The following FGF11 variants were observed in gnomAD, a reference collection of about 807,000 sequenced individuals.
FGF11 encodes the protein fibroblast growth factor homologous factor 3.
A neutral mutation model predicts 25.1 loss-of-function variants in FGF11; 25 were observed. The observed-to-expected ratio is 1.00, with a 90% CI of 0.73 to 1.39. The LOEUF is 1.39. Among genes scored for constraint, FGF11 ranks in the 40% most tolerant of loss-of-function variants. FGF11 has a pLI of 0.00. For synonymous variants in FGF11, 130 were observed against 128.9 expected, an observed-to-expected ratio of 1.01 and a Z score of -0.06; for missense variants, 320 against 311.0, an observed-to-expected ratio of 1.03 and a Z score of -0.22.
chr17:7,441,037 C>G (rs553976895), intron 1 of FGF11: 3 of 823,306 alleles, frequency 3.6e-6, no homozygotes, highest in Admixed American at 5.1e-5. Flanking sequence ...GTCCCACCCC[C>G]ACTCCTGAGG....
rs772146262 is a variant in FGF11, at chr17:7,439,678, G to A, written c.58G>A (p.Gly20Ser). 3.9e-6 allele frequency: 6 copies of A among 1,540,048 alleles called. No homozygotes were observed. In the African/African-American group the frequency reaches 5.7e-5, roughly 15 times the overall value. Residue 20 changes from glycine (G) to serine (S), a missense_variant, in exon 1 of 5, where the codon GGC (glycine) becomes AGC (serine). Coordinates refer to ENST00000293829, the MANE Select transcript of FGF11 (RefSeq NM_004112.4). ...RQKREVREPG[G>S]SRPVSAQRRV... ...GAAGCGGGAGGTCCGCGAGCCCGGG[G>A]GCAGCCGGCCGGTGTCGGCGCAGCG... is the stretch of plus-strand genomic sequence containing the variant.
upstream of FGF11, among the ~76,000 whole-genome samples, chr17:7,438,726 C>T (rs1383699501): frequency 6.6e-6 from 1 of 152,068 alleles, no homozygotes; most frequent in Non-Finnish European, 1.5e-5. Flanking sequence ...TAAACAGCAC[C>T]AGCTGTCCCC....
Position 7,442,615 on chromosome 17 carries a change from C to G in FGF11, c.430C>G (p.Arg144Gly), listed in dbSNP as rs780176806. 6.2e-7 allele frequency: 1 copy of G among 1,614,050 alleles called. No homozygotes were observed. Among genetic ancestry groups the G allele is most frequent in the African/African-American group, 1.3e-5 (1 of 74,926 alleles). The change falls in exon 4 of 5, where the codon CGC (arginine) becomes GGC (glycine). Residue 144 changes from arginine to glycine, a missense_variant. Transcript: ENST00000293829. Reference sequence around the variant, plus strand: ...TTAGCCGCATTTCACAGCTGAGTGTCGCTTTAAGGAGTGTGTCTTTGAGAA... The same window carrying G: ...TTAGCCGCATTTCACAGCTGAGTGTGGCTTTAAGGAGTGTGTCTTTGAGAA... The part of the protein sequence containing the change: ...YSSPHFTAEC[R>G]FKECVFENYY...
At position 7,440,913 on chromosome 17, in the gene FGF11, C is replaced by CAGACAGAA. The variant is rs2150833751; in HGVS notation, c.194-551_194-550insAAGACAGA. 1 of 989,844 alleles carries CAGACAGAA rather than the reference C, an allele frequency of 1.0e-6. No homozygotes were observed. The highest frequency in any genetic ancestry group is 1.1e-4 in the East Asian group (1 of 8,918). The allele number at this position is 989,844 out of a possible 1,614,324, so 61.3% of individuals were successfully genotyped here. The stretch of plus-strand genomic sequence containing the variant: ...CCCCGGGAGCCAGCGGACTGACAGA[C>CAGACAGAA]AGACAGACAGACAGACAGATGGGTC... On this transcript the variant is annotated intron_variant, in intron 1 of 4. Coordinates refer to ENST00000293829, the MANE Select transcript of FGF11 (RefSeq NM_004112.4). This position sits in a 1 kb window ranked among gnomAD's most constrained non-coding sequence, Gnocchi z 5.4.
intron 3 of FGF11, chr17:7,442,212 AC>A: frequency 2.9e-6 from 1 of 343,042 alleles, no homozygotes; most frequent in Non-Finnish European, 5.3e-6. Flanking sequence ...ATAGTGAGAG[AC>A]TGGGAGTACA....
chr17:7,441,521 T>G lies in FGF11; in HGVS notation c.244T>G (p.Tyr82Asp). 6.2e-7 allele frequency: 1 copy of G among 1,614,190 alleles called. No homozygotes were observed. Among genetic ancestry groups the G allele is most frequent in the Non-Finnish European group, 8.5e-7 (1 of 1,180,020 alleles). The change falls in exon 2 of 5, where the codon TAC (tyrosine) becomes GAC (aspartate). Residue 82 changes from tyrosine to aspartate, a missense_variant. Physicochemically the swap from Tyr to Asp is radical, Grantham distance 160. Coordinates refer to ENST00000293829, the MANE Select transcript of FGF11 (RefSeq NM_004112.4). Reference sequence around the variant, plus strand: ...CAAACTGTTCTGCCGCCAGGGTTTCTACCTCCAGGCGAATCCCGACGGAAG... The same window carrying G: ...CAAACTGTTCTGCCGCCAGGGTTTCGACCTCCAGGCGAATCCCGACGGAAG... ...VTKLFCRQGF[Y>D]LQANPDGSIQ...
At chr17:7,439,365 C>G, upstream of FGF11, 1 of 380,878 alleles carries the variant, frequency 2.6e-6, no homozygotes. Context: ...AGGCAAAACT[C>G]GAGGGTGGGA....
At position 7,442,590 on chromosome 17, in the gene FGF11, T is replaced by C. The variant is rs376303395; in HGVS notation, c.409-4T>C. 1.6e-4 allele frequency: 258 copies of C among 1,614,216 alleles called. 2 individuals carry two copies. In the African/African-American group the frequency reaches 3.1e-3, roughly 19 times the overall value. ...TGCGCCTTTCTGGGTCTTTGTCTCC[T>C]TAGCCGCATTTCACAGCTGAGTGTC... is the stretch of plus-strand genomic sequence containing the variant. On this transcript the variant is annotated splice_region_variant and splice_polypyrimidine_tract_variant and intron_variant, in intron 3 of 4. Coordinates refer to ENST00000293829, the MANE Select transcript of FGF11 (RefSeq NM_004112.4).
At position 7,444,162 on chromosome 17, in the gene FGF11, G is replaced by GC. The variant is rs1475373135; in HGVS notation, c.*1017dup. On this transcript the variant is annotated 3_prime_UTR_variant, in exon 5 of 5. Coordinates refer to ENST00000293829, the MANE Select transcript of FGF11 (RefSeq NM_004112.4). ...TAGAATGCTAAGCTTATTTTTACATGCAGTTTCTAGCTCCTTCAACCCAGC... is the reference window on the plus strand; with the variant it reads ...TAGAATGCTAAGCTTATTTTTACATGCCAGTTTCTAGCTCCTTCAACCCAGC... 1 of 152,382 alleles carries GC rather than the reference G, an allele frequency of 6.6e-6. No individual in the cohort carries two copies. The highest frequency in any genetic ancestry group is 1.5e-5 in the Non-Finnish European group (1 of 68,026). 9.4% of individuals were successfully genotyped at this position (152,382 alleles called of 1,614,324 possible). A position where few individuals can be genotyped will look rare whatever the true frequency, so the allele number is the denominator to read the frequency against.
intron 4 of FGF11, 72 bp from the exon 5 acceptor site, chr17:7,443,004 G>T: frequency 7.7e-7 from 1 of 1,305,360 alleles, no homozygotes; most frequent in South Asian, 1.3e-5. Flanking sequence ...AGCCCTTTTG[G>T]AGCACTGGTT....
At position 7,439,782 on chromosome 17, in the gene FGF11, G is replaced by T. The variant is rs1320851392; in HGVS notation, c.162G>T (p.Gly54=). 1.6e-5 allele frequency: 24 copies of T among 1,478,328 alleles called. No homozygotes were observed. Among genetic ancestry groups the T allele is most frequent in the Non-Finnish European group, 2.1e-5 (24 of 1,122,428 alleles). The allele number at this position is 1,478,328 out of a possible 1,614,324, so 91.6% of individuals were successfully genotyped here. The change falls in exon 1 of 5, where the codon GGG becomes GGT. Residue 54 remains glycine, a synonymous_variant. Coordinates refer to ENST00000293829, the MANE Select transcript of FGF11 (RefSeq NM_004112.4). Reference sequence around the variant, plus strand: ...TGCTGTCCAAGGTGCGACTGTGCGGGGGGCGGCCCGCGCGGCCGGACCGCG... The same window carrying T: ...TGCTGTCCAAGGTGCGACTGTGCGGTGGGCGGCCCGCGCGGCCGGACCGCG... ...LILLSKVRLC[G]GRPARPDRGP...
chr17:7,439,313 G>A (rs1194249606), upstream of FGF11: 6 of 315,442 alleles, frequency 1.9e-5, no homozygotes, highest in Admixed American at 2.0e-4. Context: ...GTGAAGTGAG[G>A]ACAGACACTG....
chr17:7,439,845 A>G (rs1019561393), intron 1 of FGF11, 32 bp downstream of exon 1: 13 of 1,394,170 alleles, frequency 9.3e-6, no homozygotes, highest in Non-Finnish European at 1.2e-5. Flanking sequence ...TCTCCCGGCC[A>G]GAGGTTTCTC....
chr17:7,438,933 G>A (rs1908178742), upstream of FGF11: 1 of 152,176 alleles, frequency 6.6e-6, no homozygotes, highest in Non-Finnish European at 1.5e-5. Context: ...AGAATTCTAT[G>A]CTACTAGACA....
chr17:7,442,911 C>A, intron 4 of FGF11, 119 bp downstream of exon 4: 1 of 1,274,460 alleles, frequency 7.8e-7, no homozygotes, highest in Non-Finnish European at 1.1e-6. Flanking sequence ...ACAGATCAAG[C>A]CAGGAAGGCT....
chr17:7,441,334 T>C, intron 1 of FGF11, 137 bp from the exon 2 acceptor site: 1 of 1,201,444 alleles, frequency 8.3e-7, no homozygotes, highest in Non-Finnish European at 1.2e-6. Context: ...AGAGCGTGCT[T>C]GGAGGATAAG....
chr17:7,442,142 T>C, intron 3 of FGF11: 1 of 412,596 alleles, frequency 2.4e-6, no homozygotes, highest in East Asian at 4.2e-5. Context: ...CCCTACTTCT[T>C]ATCCCACCTC....
chr17:7,442,495 C>G lies in FGF11; in HGVS notation c.409-99C>G, dbSNP rs547457701. On this transcript the variant is annotated intron_variant, in intron 3 of 4. Transcript: ENST00000293829. Reference sequence around the variant, plus strand: ...CTCAGAAGTTGTCCTCCCCCTCCCCCAAAAAGGATTTGTGCTTTCCATGAG... The same window carrying G: ...CTCAGAAGTTGTCCTCCCCCTCCCCGAAAAAGGATTTGTGCTTTCCATGAG... 1.5e-5 allele frequency: 21 copies of G among 1,359,646 alleles called. No homozygotes were observed. The South Asian group carries it at 2.4e-4, about 16-fold the overall frequency. 84.2% of individuals were successfully genotyped at this position (1,359,646 alleles called of 1,614,324 possible).
In FGF11 at chr17:7,439,803, C is replaced by T. The variant is rs1403183198; in HGVS notation, c.183C>T (p.Asp61=). Residue 61 remains aspartate, a synonymous_variant, in exon 1 of 5, where the codon GAC becomes GAT. Transcript: ENST00000293829. The stretch of plus-strand genomic sequence containing the variant: ...GCGGGGGGCGGCCCGCGCGGCCGGA[C>T]CGCGGCCCGGGTGAGTGCGGCTGGG... ...RLCGGRPARP[D]RGPEPQLKGI... is the part of the protein sequence containing the mutation. 4.9e-6 allele frequency: 7 copies of T among 1,442,264 alleles called. No individual in the cohort carries two copies. Among genetic ancestry groups the T allele is most frequent in the Non-Finnish European group, 6.3e-6 (7 of 1,104,454 alleles). The allele number at this position is 1,442,264 out of a possible 1,614,324, so 89.3% of individuals were successfully genotyped here.
Sources: allele counts gnomAD v4.1 joint callset (sites outside exome capture counted in the v4.1 genomes callset), GRCh38; gene constraint gnomAD v4.1.1; non-coding constraint Gnocchi (gnomAD v3.1); transcripts MANE v1.5; gene names NCBI Gene and HGNC (gene_info 2026-07-23, HGNC 2026-07-21).